RBFOX1: variants seen among roughly 807,000 people sequenced by gnomAD.
RBFOX1 encodes the protein RNA binding fox-1 homolog 1.
Under a neutral mutation model 57.7 loss-of-function variants are expected in RBFOX1, and 8 were observed. The observed-to-expected ratio is 0.14, with a 90% CI of 0.08 to 0.25. RBFOX1 has a LOEUF of 0.25. Ranked by LOEUF, RBFOX1 falls within the 10% of genes least tolerant of loss-of-function variation. The pLI is 1.00. For synonymous variants in RBFOX1, 326 were observed against 222.4 expected, an observed-to-expected ratio of 1.47 and a Z score of -4.15; for missense variants, 611 against 548.5, an observed-to-expected ratio of 1.11 and a Z score of -1.14.
At chr16:5,258,481 G>A (rs1344560973) in intron 1 of RBFOX1, among the ~76,000 whole-genome samples, 1 of 152,134 alleles carries the variant, frequency 6.6e-6, no homozygotes, top group African/African-American at 2.4e-5. Context: ...CTAAGATCGA[G>A]TTTACATTCA....
chr16:5,856,604 T>TATATATATATATAAATAA (rs776623035), intron 3 of RBFOX1, among the ~76,000 whole-genome samples: 1 of 68,110 alleles, frequency 1.5e-5, no homozygotes, highest in East Asian at 5.4e-4. Context: ...TATATATATA[T>TATATATATATATAAATAA]AATCTTAGCC....
intron 1 of RBFOX1, among the ~76,000 whole-genome samples, chr16:5,300,745 T>C (rs1329542568): frequency 6.6e-6 from 1 of 152,216 alleles, no homozygotes; most frequent in Non-Finnish European, 1.5e-5. Flanking sequence ...TGTGGTACTT[T>C]GTTCCTTTCA....
intron 3 of RBFOX1, among the ~76,000 whole-genome samples, chr16:6,802,251 T>G (rs1490925244): frequency 6.6e-6 from 1 of 152,118 alleles, no homozygotes; most frequent in African/African-American, 2.4e-5. Flanking sequence ...ACTCAGTCAG[T>G]GCCGAAACAG....
rs78155422 is a variant in RBFOX1, at chr16:7,478,857, C to T, written c.28-39290C>T. Among the ~76,000 whole-genome samples, 1,240 of 152,202 alleles carry T rather than the reference C, an allele frequency of 8.1e-3. 23 individuals are homozygous for T. The highest frequency in any genetic ancestry group is 0.053 in the East Asian group (276 of 5,170). On this transcript the variant is annotated intron_variant, in intron 4 of 15. Transcript: ENST00000550418. The stretch of plus-strand genomic sequence containing the variant: ...GAAAACCTCCTTTGCTTGAGTCGAG[C>T]GCCTTGAAATAGCTCTGTTGCATCT...
At chr16:5,828,236 C>T (rs1214858476) in intron 3 of RBFOX1, among the ~76,000 whole-genome samples, 2 of 152,122 alleles carry the variant, frequency 1.3e-5, no homozygotes, top group African/African-American at 4.8e-5. Context: ...TTCAACCACC[C>T]ACAAATCTAC....
intron 4 of RBFOX1, among the ~76,000 whole-genome samples, chr16:7,184,051 A>C (rs566199235): frequency 1.2e-4 from 19 of 152,190 alleles, no homozygotes; most frequent in Non-Finnish European, 2.4e-4. Flanking sequence ...AAGCCCAGGA[A>C]AGTGGTGGTG....
Position 7,567,651 on chromosome 16 carries a change from CTA to C in RBFOX1, c.271-12114_271-12113del, listed in dbSNP as rs200824101. 2.7e-3 allele frequency among the ~76,000 whole-genome samples: 160 copies of C among 59,036 alleles called. 8 individuals are homozygous for C. Among genetic ancestry groups the C allele is most frequent in the African/African-American group, 6.7e-3 (136 of 20,268 alleles). The allele number at this position is 59,036 out of a possible 152,430, so 38.7% of individuals were successfully genotyped here. Reference sequence around the variant, plus strand: ...TATATATATATCCCTATATATGGCCCTATATATATATATCCCTATATATGGCC... The same window carrying C: ...TATATATATATCCCTATATATGGCCCTATATATATATCCCTATATATGGCC... On this transcript the variant is annotated intron_variant, in intron 5 of 15. Transcript: ENST00000550418.
At chr16:7,200,218 C>G (rs558417802) in intron 4 of RBFOX1, among the ~76,000 whole-genome samples, 1 of 152,162 alleles carries the variant, frequency 6.6e-6, no homozygotes, top group Non-Finnish European at 1.5e-5. Context: ...GGAAACTCGA[C>G]TGTCCTTGTA....
intron 2 of RBFOX1, among the ~76,000 whole-genome samples, chr16:6,356,648 A>G (rs1363001133): frequency 2.0e-5 from 3 of 152,172 alleles, no homozygotes; most frequent in Non-Finnish European, 4.4e-5. Context: ...AGCCAAGAGA[A>G]GCGTAGGGAG....
chr16:7,446,941 T>C (rs944050738), intron 4 of RBFOX1, among the ~76,000 whole-genome samples: 14 of 150,762 alleles, frequency 9.3e-5, no homozygotes. Flanking sequence ...GCCTCCCAAG[T>C]AGCTGGGACT....
intron 4 of RBFOX1, among the ~76,000 whole-genome samples, chr16:7,258,399 G>A (rs1005270336): frequency 3.9e-5 from 6 of 152,056 alleles, no homozygotes; most frequent in African/African-American, 1.4e-4. Flanking sequence ...CTTAACTTGG[G>A]AAGATTTGAC....
intron 1 of RBFOX1, among the ~76,000 whole-genome samples, chr16:6,103,377 A>G (rs1011968761): frequency 6.6e-6 from 1 of 152,164 alleles, no homozygotes; most frequent in Non-Finnish European, 1.5e-5. Flanking sequence ...GACATATGTA[A>G]GATATCTAAC....
intron 4 of RBFOX1, among the ~76,000 whole-genome samples, chr16:7,172,151 A>T (rs2080825080): frequency 6.6e-6 from 1 of 152,210 alleles, no homozygotes; most frequent in South Asian, 2.1e-4. Flanking sequence ...TTTCATTTTT[A>T]GAATTCTGCA....
chr16:7,704,479 A>G lies in RBFOX1; in HGVS notation c.996-4577A>G, dbSNP rs1466398121. ...GGGAGCAGCTGACCCAGAGTCTTCA[A>G]AAAGCGTATCTGAATGGGATCATAA... On this transcript the variant is annotated intron_variant, in intron 14 of 15. Coordinates refer to ENST00000550418, the MANE Select transcript of RBFOX1 (RefSeq NM_018723.4). Among the ~76,000 whole-genome samples, 32 of 152,190 alleles carry G rather than the reference A, an allele frequency of 2.1e-4. 1 individual carries two copies. Among genetic ancestry groups the G allele is most frequent in the Admixed American group, 2.1e-3 (32 of 15,280 alleles).
In RBFOX1 at chr16:6,799,142, G is replaced by A. The variant is rs183576882; in HGVS notation, c.-16+144492G>A. Among the ~76,000 whole-genome samples, 208 of 152,114 alleles carry A rather than the reference G, an allele frequency of 1.4e-3. 1 individual carries two copies. Among genetic ancestry groups the A allele is most frequent in the East Asian group, 0.013 (68 of 5,154 alleles). ...AATCCCAGAACTGGGGCTCAGCTTC[G>A]AAGAGTTCTTAGCTTTGCTCAGGAA... On this transcript the variant is annotated intron_variant, in intron 3 of 15. Transcript: ENST00000550418.
chr16:6,951,192 C>T (rs2080682502), intron 3 of RBFOX1, among the ~76,000 whole-genome samples: 1 of 152,106 alleles, frequency 6.6e-6, no homozygotes, highest in Non-Finnish European at 1.5e-5. Flanking sequence ...TAGGTGTGAG[C>T]CAACAGGCCC....
intron 4 of RBFOX1, among the ~76,000 whole-genome samples, chr16:7,392,914 C>G (rs529641906): frequency 6.6e-6 from 1 of 152,092 alleles, no homozygotes; most frequent in South Asian, 2.1e-4. Flanking sequence ...TGCTGTGTCC[C>G]CCAAGCTGGA....
intron 3 of RBFOX1, among the ~76,000 whole-genome samples, chr16:6,933,957 A>C (rs2076966422): frequency 6.6e-6 from 1 of 152,220 alleles, no homozygotes; most frequent in South Asian, 2.1e-4. Context: ...GAAAAATCAA[A>C]GTACTTATCA....
intron 3 of RBFOX1, among the ~76,000 whole-genome samples, chr16:6,708,433 G>A (rs9302828): frequency 0.98 from 148,592 of 152,306 alleles, 72,571 homozygotes; most frequent in Middle Eastern, 1. Context: ...TTTTGTACCT[G>A]TCATTTTTGT....
Sources: gnomAD v4.1 joint callset for allele counts (sites outside exome capture counted in the v4.1 genomes callset) on GRCh38, gnomAD v4.1.1 for gene constraint, MANE v1.5 for transcripts, NCBI Gene and HGNC (gene_info 2026-07-23, HGNC 2026-07-21) for gene names.